The following GRB14 variants were observed in gnomAD, a reference collection of about 807,000 sequenced individuals.
GRB14 encodes growth factor receptor bound protein 14.
Under a neutral mutation model 69.1 loss-of-function variants are expected in GRB14, and 38 were observed. The observed-to-expected ratio is 0.55, with a 90% CI of 0.42 to 0.72. The LOEUF is 0.72. GRB14 is among the 30% of genes least tolerant of loss of function. The pLI, the probability that GRB14 is intolerant of heterozygous loss-of-function variation, is 0.00. For missense variants in GRB14, 666 were observed against 666.1 expected, an observed-to-expected ratio of 1.00 and a Z score of 0.00; for synonymous variants, 247 against 241.3, an observed-to-expected ratio of 1.02 and a Z score of -0.22.
In GRB14 at chr2:164,596,664, A is replaced by T. The variant is rs370380033; in HGVS notation, c.324+23023T>A. 2.0e-5 allele frequency among the ~76,000 whole-genome samples: 3 copies of T among 152,234 alleles called. No homozygotes were observed. The East Asian group carries it at 5.8e-4, about 29-fold the overall frequency. Reference sequence around the variant, plus strand: ...AAATAGTTTAGAATGGCTACAGTAAAATACTGATAAATACACAAAGAAAAC... The same window carrying T: ...AAATAGTTTAGAATGGCTACAGTAATATACTGATAAATACACAAAGAAAAC... On this transcript the variant is annotated intron_variant, in intron 2 of 13. Coordinates refer to ENST00000263915, the MANE Select transcript of GRB14 (RefSeq NM_004490.3).
At chr2:164,539,726 C>T in intron 3 of GRB14, 1 of 151,708 alleles carries the variant, frequency 6.6e-6, no homozygotes. Flanking sequence ...TGCAGAAAAC[C>T]CTCAACTCTC....
chr2:164,581,226 C>A (rs12692723), intron 2 of GRB14, among the ~76,000 whole-genome samples: 1 of 152,054 alleles, frequency 6.6e-6, no homozygotes, highest in Non-Finnish European at 1.5e-5. Context: ...GAATAATTCC[C>A]CCGCCTTCAC....
intron 8 of GRB14, among the ~76,000 whole-genome samples, chr2:164,503,442 CAAAAAAAAA>C (rs148268784): frequency 5.4e-5 from 5 of 92,232 alleles, no homozygotes; most frequent in East Asian, 1.1e-3. Flanking sequence ...GGTAATTAGG[CAAAAAAAAA>C]AAAAAAAAAA....
At chr2:164,603,749 A>G (rs1212903004) in intron 2 of GRB14, among the ~76,000 whole-genome samples, 1 of 152,172 alleles carries the variant, frequency 6.6e-6, no homozygotes. Flanking sequence ...ACAAAAGTAC[A>G]AAACTAGATT....
chr2:164,519,879 G>A (rs564141089), intron 6 of GRB14, among the ~76,000 whole-genome samples: 1 of 151,942 alleles, frequency 6.6e-6, no homozygotes, highest in East Asian at 1.9e-4. Context: ...CAAACAAATG[G>A]AAACACAGCC....
chr2:164,555,439 A>T (rs1471114578), intron 2 of GRB14, among the ~76,000 whole-genome samples: 1 of 152,150 alleles, frequency 6.6e-6, no homozygotes, highest in African/African-American at 2.4e-5. Flanking sequence ...TAAAACAATG[A>T]GTAAGAATCC....
intron 2 of GRB14, among the ~76,000 whole-genome samples, chr2:164,577,473 C>G (rs1419809342): frequency 6.6e-6 from 1 of 152,132 alleles, no homozygotes; most frequent in Non-Finnish European, 1.5e-5. Flanking sequence ...GTAGCACTTC[C>G]CCTTCAACTC....
At chr2:164,523,931 G>C (rs141605091) in intron 5 of GRB14, among the ~76,000 whole-genome samples, 5 of 152,146 alleles carry the variant, frequency 3.3e-5, no homozygotes, top group Non-Finnish European at 7.4e-5. Context: ...GAAGCATTCA[G>C]AGGGCTGAGA....
chr2:164,516,778 T>C (rs1356379689), intron 6 of GRB14, among the ~76,000 whole-genome samples: 1 of 152,052 alleles, frequency 6.6e-6, no homozygotes, highest in Non-Finnish European at 1.5e-5. Context: ...AATCTCAGCA[T>C]TTTGGGATGC....
At chr2:164,563,215 T>C (rs931303980) in intron 2 of GRB14, among the ~76,000 whole-genome samples, 4 of 152,184 alleles carry the variant, frequency 2.6e-5, no homozygotes, top group African/African-American at 9.7e-5. Context: ...AGAATATTAT[T>C]TGCTCAAAAA....
intron 2 of GRB14, among the ~76,000 whole-genome samples, chr2:164,564,413 T>C (rs1688913696): frequency 6.6e-6 from 1 of 152,210 alleles, no homozygotes; most frequent in African/African-American, 2.4e-5. Flanking sequence ...TGTTCTTTCC[T>C]CCACTAAATC....
intron 2 of GRB14, among the ~76,000 whole-genome samples, chr2:164,558,826 G>A (rs2105320262): frequency 6.6e-6 from 1 of 152,294 alleles, no homozygotes; most frequent in East Asian, 1.9e-4. Flanking sequence ...TGGAATAAGT[G>A]TTTAGAAGAG....
At chr2:164,556,055 A>C (rs1241826510) in intron 2 of GRB14, among the ~76,000 whole-genome samples, 1 of 152,186 alleles carries the variant, frequency 6.6e-6, no homozygotes, top group African/African-American at 2.4e-5. Flanking sequence ...CAGTGTCCTA[A>C]GATAACAAGA....
At chr2:164,513,953 T>C (rs1408715920) in intron 6 of GRB14, among the ~76,000 whole-genome samples, 1 of 151,958 alleles carries the variant, frequency 6.6e-6, no homozygotes, top group Non-Finnish European at 1.5e-5. Flanking sequence ...ATAATGGACA[T>C]AGACTAGACA....
In GRB14 at chr2:164,621,074, G is replaced by T; in HGVS notation, c.191+45C>A. 1 of 1,242,188 alleles carries T rather than the reference G, an allele frequency of 8.1e-7. No individual in the cohort carries two copies. 76.9% of individuals were successfully genotyped at this position (1,242,188 alleles called of 1,614,324 possible). A position where few individuals can be genotyped will look rare whatever the true frequency, so the allele number is the denominator to read the frequency against. ...GGACCGCCTCCTCACCCCCTCGCCG[G>T]CTGCCCAGCCAGGACACTCCCCCGC... On this transcript the variant is annotated intron_variant, in intron 1 of 13. Transcript: ENST00000263915. This position sits in a 1 kb window ranked among gnomAD's most constrained non-coding sequence, Gnocchi z 6.0.
At chr2:164,552,526 T>A (rs1688569547) in intron 2 of GRB14, among the ~76,000 whole-genome samples, 1 of 152,164 alleles carries the variant, frequency 6.6e-6, no homozygotes, top group Non-Finnish European at 1.5e-5. Context: ...ACAAATACTT[T>A]CTCATCATAC....
chr2:164,599,113 G>T (rs957378166), intron 2 of GRB14, among the ~76,000 whole-genome samples: 5 of 152,108 alleles, frequency 3.3e-5, no homozygotes, highest in Non-Finnish European at 5.9e-5. Context: ...TAAAACCTTG[G>T]CAGAGATGGC....
In GRB14 at chr2:164,598,873, T is replaced by A. The variant is rs959623940; in HGVS notation, c.324+20814A>T. Among the ~76,000 whole-genome samples the A allele has an allele frequency of 2.0e-5, 3 of 152,212 alleles. No individual in the cohort carries two copies. The South Asian group carries it at 6.2e-4, about 31-fold the overall frequency. On this transcript the variant is annotated intron_variant, in intron 2 of 13. Coordinates refer to ENST00000263915, the MANE Select transcript of GRB14 (RefSeq NM_004490.3). ...ACCATCTACTTTTCTCTCCAGAACT[T>A]AGCCTGTGTTATGGATCTCTTATTA...
At chr2:164,515,991 G>C (rs1180153827) in intron 6 of GRB14, among the ~76,000 whole-genome samples, 2 of 151,672 alleles carry the variant, frequency 1.3e-5, no homozygotes, top group Non-Finnish European at 2.9e-5. Flanking sequence ...CAAAGTCAAG[G>C]CTTTCAACTT....
Sources: gnomAD v4.1 joint callset for allele counts (sites outside exome capture counted in the v4.1 genomes callset) on GRCh38, gnomAD v4.1.1 for gene constraint, Gnocchi (gnomAD v3.1) non-coding constraint, MANE v1.5 for transcripts, NCBI Gene and HGNC (gene_info 2026-07-23, HGNC 2026-07-21) for gene names.